Variants in ARID5B observed in about 807,000 individuals in gnomAD.
ARID5B encodes AT-rich interactive domain-containing protein 5B.
A neutral mutation model predicts 97.2 loss-of-function variants in ARID5B; 13 were observed. The ratio of observed to expected loss-of-function variants is 0.13; its 90% CI spans 0.09 to 0.21. The LOEUF (loss-of-function observed/expected upper bound fraction) is 0.21. Ranked by LOEUF, ARID5B falls within the 10% of genes least tolerant of loss-of-function variation. The probability of loss-of-function intolerance (pLI) is 1.00; values close to 1 mark genes in which losing one functional copy is unlikely to be tolerated. For missense variants in ARID5B, 1,210 were observed against 1,465.3 expected, an observed-to-expected ratio of 0.83 and a Z score of 2.84; for synonymous variants, 556 against 570.3, an observed-to-expected ratio of 0.97 and a Z score of 0.36.
At chr10:62,069,618 C>G in intron 7 of ARID5B, 82 bp from the exon 8 acceptor site, 1 of 1,240,738 alleles carries the variant, frequency 8.1e-7, no homozygotes, top group Non-Finnish European at 1.2e-6. Context: ...CTGTTCTCTT[C>G]TGACTGTTGC....
rs553679379 is a variant in ARID5B at position 62,019,392 on chromosome 10, C to T, written c.733+19071C>T. On this transcript the variant is annotated intron_variant, in intron 4 of 9. Transcript: ENST00000279873. ...CTATGAAATAACCTTTCACAACCAC[C>T]GTACAATAGTGAAGAACATGGCGTT... Among the ~76,000 whole-genome samples the T allele has an allele frequency of 3.9e-5, 6 of 152,304 alleles. No individual in the cohort carries two copies. In the East Asian group the frequency reaches 5.8e-4, roughly 15 times the overall value.
chr10:62,084,576 G>T (rs185152715), intron 8 of ARID5B, among the ~76,000 whole-genome samples: 1 of 152,296 alleles, frequency 6.6e-6, no homozygotes, highest in Admixed American at 6.5e-5. Flanking sequence ...TTAAGGCTGA[G>T]TCTTATATTA....
intron 2 of ARID5B, among the ~76,000 whole-genome samples, chr10:61,927,967 G>T (rs994692884): frequency 2.0e-5 from 3 of 152,198 alleles, no homozygotes; most frequent in African/African-American, 7.2e-5. Context: ...GAGGCCCTGG[G>T]CACTGTGGTT....
At chr10:62,043,481 T>A (rs1839666984) in intron 4 of ARID5B, among the ~76,000 whole-genome samples, 1 of 152,162 alleles carries the variant, frequency 6.6e-6, no homozygotes, top group Non-Finnish European at 1.5e-5. Context: ...CAAGACACAG[T>A]GGGGGAACAA....
chr10:62,083,807 T>C (rs1209635320), intron 8 of ARID5B, among the ~76,000 whole-genome samples: 1 of 152,180 alleles, frequency 6.6e-6, no homozygotes, highest in Non-Finnish European at 1.5e-5. Context: ...CTGCCAATAT[T>C]GAAGAGGATA....
chr10:61,936,823 CT>C (rs1191585358), intron 2 of ARID5B, among the ~76,000 whole-genome samples: 5 of 224 alleles, frequency 0.022, no homozygotes, highest in Non-Finnish European at 0.058. Flanking sequence ...ATTATAAAAC[CT>C]GGGTTTCCCT....
At chr10:61,930,927 T>C (rs992810151) in intron 2 of ARID5B, among the ~76,000 whole-genome samples, 11 of 152,186 alleles carry the variant, frequency 7.2e-5, no homozygotes, top group Middle Eastern at 3.4e-3. Context: ...TTTTTGTCTC[T>C]GGCCAGGAGT....
chr10:62,034,425 C>T (rs1564632791), intron 4 of ARID5B, among the ~76,000 whole-genome samples: 2 of 152,146 alleles, frequency 1.3e-5, no homozygotes, highest in Non-Finnish European at 2.9e-5. Flanking sequence ...AGTTACATCC[C>T]CTCTGTGCTA....
At chr10:62,059,940 G>A (rs1170518391) in intron 7 of ARID5B, among the ~76,000 whole-genome samples, 3 of 152,098 alleles carry the variant, frequency 2.0e-5, no homozygotes, top group Admixed American at 1.3e-4. Context: ...GCAACAAACT[G>A]AGATTAAAAT....
Position 61,940,265 on chromosome 10 carries a change from G to T in ARID5B, c.359G>T (p.Trp120Leu). The T allele has an allele frequency of 6.2e-7, 1 of 1,614,212 alleles. No individual in the cohort carries two copies. Among genetic ancestry groups the T allele is most frequent in the Non-Finnish European group, 8.5e-7 (1 of 1,180,026 alleles). ...TGGGTACATTCTGATTTCTCCAAGT[G>T]GAGATGTGGCTTCCACGCTGGACCA... ...VKWVHSDFSK[W>L]RCGFHAGPVK... Residue 120 changes from tryptophan to leucine, a missense_variant, in exon 3 of 10, where the codon TGG becomes TTG. Trp to Leu is a moderately conservative substitution (Grantham distance 61, BLOSUM62 -2). This residue lies in a region of ARID5B where 82 missense variants were observed against 79.3 expected (regional missense o/e 1.03). Transcript: ENST00000279873.
At chr10:62,076,555 C>CT (rs1840137915) in intron 8 of ARID5B, among the ~76,000 whole-genome samples, 1 of 52,736 alleles carries the variant, frequency 1.9e-5, no homozygotes, top group East Asian at 5.4e-4. Context: ...GAGCGAGACT[C>CT]TGTCTCAAAA....
At chr10:62,029,363 TA>T (rs1245235766) in intron 4 of ARID5B, among the ~76,000 whole-genome samples, 1 of 152,224 alleles carries the variant, frequency 6.6e-6, no homozygotes, top group Non-Finnish European at 1.5e-5. Flanking sequence ...GATAACAACT[TA>T]TTTTTTTCCT....
At chr10:62,090,777 C>T (rs1840357444) in intron 9 of ARID5B, 85 bp from the exon 10 acceptor site, 6 of 1,475,644 alleles carry the variant, frequency 4.1e-6, no homozygotes, top group Middle Eastern at 2.1e-4. Context: ...TCAAGTAAAA[C>T]TGCTGTGTGG....
At chr10:62,072,939 T>C (rs78632669) in intron 8 of ARID5B, among the ~76,000 whole-genome samples, 1,855 of 152,322 alleles carry the variant, frequency 0.012, 43 homozygotes, top group African/African-American at 0.042. Context: ...TAAAACTTCA[T>C]GATTATGGTG....
intron 4 of ARID5B, among the ~76,000 whole-genome samples, chr10:62,013,980 T>G (rs1157856105): frequency 6.6e-6 from 1 of 152,112 alleles, no homozygotes; most frequent in Non-Finnish European, 1.5e-5. Context: ...CTTGATACAC[T>G]TTATTTTAAA....
chr10:62,076,626 A>G (rs2132964516), intron 8 of ARID5B, among the ~76,000 whole-genome samples: 1 of 152,152 alleles, frequency 6.6e-6, no homozygotes, highest in Non-Finnish European at 1.5e-5. Context: ...AATAAGTTCA[A>G]CAGGGATCAA....
intron 8 of ARID5B, among the ~76,000 whole-genome samples, chr10:62,077,387 T>C (rs567292340): frequency 6.2e-4 from 95 of 152,226 alleles, no homozygotes; most frequent in Non-Finnish European, 1.1e-3. Context: ...ATTTAAAAAT[T>C]CTTAAATTTG....
chr10:61,926,185 G>T (rs570827593), intron 2 of ARID5B, among the ~76,000 whole-genome samples: 1 of 152,084 alleles, frequency 6.6e-6, no homozygotes, highest in Non-Finnish European at 1.5e-5. Flanking sequence ...GATTTCTGCC[G>T]TCTTTCTTTG....
intron 7 of ARID5B, among the ~76,000 whole-genome samples, chr10:62,068,354 C>T (rs374373183): frequency 1.3e-5 from 2 of 152,120 alleles, no homozygotes; most frequent in East Asian, 3.9e-4. Flanking sequence ...TTGAATGATG[C>T]ACAGCTAACA....
Sources: gnomAD v4.1 joint callset for allele counts (sites outside exome capture counted in the v4.1 genomes callset) on GRCh38, gnomAD v4.1.1 for gene constraint, gnomAD v4.1.1 regional missense constraint, MANE v1.5 for transcripts, NCBI Gene and HGNC (gene_info 2026-07-23, HGNC 2026-07-21) for gene names.